The following FMN1 variants were observed in gnomAD, a reference collection of about 807,000 sequenced individuals.
FMN1 encodes the protein formin-1.
A neutral mutation model predicts 132.4 loss-of-function variants in FMN1; 110 were observed. The ratio of observed to expected loss-of-function variants is 0.83; its 90% CI spans 0.71 to 0.97. The LOEUF (loss-of-function observed/expected upper bound fraction) is 0.97, where lower values mean the gene tolerates loss of function less well. Ranked by LOEUF, FMN1 falls within the 50% of genes least tolerant of loss-of-function variation. The pLI is 0.00. For missense variants in FMN1, 1,792 were observed against 1,705.3 expected, an observed-to-expected ratio of 1.05 and a Z score of -0.90; for synonymous variants, 722 against 651.7, an observed-to-expected ratio of 1.11 and a Z score of -1.64.
intron 2 of FMN1, among the ~76,000 whole-genome samples, chr15:33,181,213 G>C (rs552266254): frequency 6.6e-6 from 1 of 152,250 alleles, no homozygotes; most frequent in East Asian, 1.9e-4. Flanking sequence ...AGGGTTCCTT[G>C]CATGATGTTC....
At chr15:32,955,110 C>T (rs570267630) in intron 9 of FMN1, among the ~76,000 whole-genome samples, 1 of 152,286 alleles carries the variant, frequency 6.6e-6, no homozygotes, top group African/African-American at 2.4e-5. Flanking sequence ...AAAACAGGAA[C>T]AATAATAGGA....
chr15:32,787,630 T>C (rs2056924261), intron 19 of FMN1, among the ~76,000 whole-genome samples: 1 of 152,148 alleles, frequency 6.6e-6, no homozygotes. Context: ...GCAGGACTGC[T>C]TGAGGCTAGG....
At chr15:32,997,585 C>G (rs1024074239) in intron 7 of FMN1, among the ~76,000 whole-genome samples, 2 of 152,276 alleles carry the variant, frequency 1.3e-5, no homozygotes, top group Non-Finnish European at 2.9e-5. Context: ...AAGCACTGAG[C>G]ATGGTACCTG....
At chr15:32,914,825 T>C (rs961056603) in intron 10 of FMN1, among the ~76,000 whole-genome samples, 1 of 151,778 alleles carries the variant, frequency 6.6e-6, no homozygotes. Flanking sequence ...CTTTGTACCA[T>C]CCCCCCAGAA....
At chr15:32,784,904 T>C (rs1242611263) in intron 19 of FMN1, among the ~76,000 whole-genome samples, 2 of 152,168 alleles carry the variant, frequency 1.3e-5, no homozygotes, top group East Asian at 3.9e-4. Flanking sequence ...CAATGTCTAT[T>C]TGCCTCCTTT....
At chr15:33,100,345 A>G (rs544435229) in intron 4 of FMN1, among the ~76,000 whole-genome samples, 1 of 152,198 alleles carries the variant, frequency 6.6e-6, no homozygotes, top group Non-Finnish European at 1.5e-5. Context: ...CAGGGAAGCT[A>G]TTGTGAAACA....
At chr15:33,009,453 C>G (rs2034590608) in intron 6 of FMN1, among the ~76,000 whole-genome samples, 1 of 152,146 alleles carries the variant, frequency 6.6e-6, no homozygotes, top group Admixed American at 6.5e-5. Context: ...TCCTACATAT[C>G]TCTCCCTATC....
intron 4 of FMN1, among the ~76,000 whole-genome samples, chr15:33,093,917 A>G (rs2169937): frequency 5.4e-4 from 82 of 152,362 alleles, no homozygotes; most frequent in African/African-American, 1.3e-3. Flanking sequence ...AGAATCTTGT[A>G]TATCTCCCCA....
At chr15:33,051,613 G>A (rs2036976490) in intron 6 of FMN1, among the ~76,000 whole-genome samples, 2 of 152,182 alleles carry the variant, frequency 1.3e-5, no homozygotes, top group South Asian at 4.1e-4. Context: ...GGGTGAGTGG[G>A]CTCAAGCATG....
intron 19 of FMN1, among the ~76,000 whole-genome samples, chr15:32,787,275 TA>T (rs2140923294): frequency 6.6e-6 from 1 of 152,222 alleles, no homozygotes; most frequent in South Asian, 2.1e-4. Context: ...AAAATAAAAC[TA>T]AGAGAAAAGA....
At chr15:32,839,023 T>C (rs1289783214) in intron 17 of FMN1, among the ~76,000 whole-genome samples, 1 of 152,016 alleles carries the variant, frequency 6.6e-6, no homozygotes, top group Non-Finnish European at 1.5e-5. Context: ...CCAGAGATGG[T>C]GACTGGACAA....
At chr15:32,969,501 G>T (rs778508470) in intron 7 of FMN1, 24 bp from the exon 8 acceptor site, 11 of 1,606,262 alleles carry the variant, frequency 6.8e-6, no homozygotes, top group Non-Finnish European at 8.5e-6. Context: ...CAGAGGGAAA[G>T]AAAGTAATGA....
chr15:33,115,570 TCTC>T (rs1325711438), intron 4 of FMN1, among the ~76,000 whole-genome samples: 15 of 113,802 alleles, frequency 1.3e-4, no homozygotes, highest in East Asian at 4.8e-4. Flanking sequence ...CTCCCCCACC[TCTC>T]CTATCTTTTA....
chr15:32,982,388 A>T (rs563324245), intron 7 of FMN1, among the ~76,000 whole-genome samples: 1 of 152,244 alleles, frequency 6.6e-6, no homozygotes, highest in African/African-American at 2.4e-5. Flanking sequence ...CACACTTTCC[A>T]TATCAACTAT....
intron 17 of FMN1, among the ~76,000 whole-genome samples, chr15:32,838,323 C>A (rs948377388): frequency 2.0e-5 from 3 of 152,086 alleles, no homozygotes; most frequent in African/African-American, 7.2e-5. Context: ...GGAAAAAGAG[C>A]AAAGGAAACA....
chr15:32,904,335 G>A (rs1048348577), intron 12 of FMN1, among the ~76,000 whole-genome samples: 1 of 152,156 alleles, frequency 6.6e-6, no homozygotes, highest in African/African-American at 2.4e-5. Flanking sequence ...GTGAGTAGAA[G>A]GCAGATGCTA....
At chr15:32,877,194 G>A (rs1372414027) in intron 16 of FMN1, among the ~76,000 whole-genome samples, 1 of 152,000 alleles carries the variant, frequency 6.6e-6, no homozygotes, top group Non-Finnish European at 1.5e-5. Flanking sequence ...GGCTGAGGCA[G>A]GAGAATCGTT....
chr15:32,776,826 A>C lies in FMN1; in HGVS notation c.4215+9T>G. 2 of 1,533,782 alleles carry C rather than the reference A, an allele frequency of 1.3e-6. No homozygotes were observed. The highest frequency in any genetic ancestry group is 1.8e-6 in the Non-Finnish European group (2 of 1,118,786). ...CAATCGTTAGATTATGTTGAAAAAT[A>C]TATCTCACCAGGCTAGCAGTGGGAT... On this transcript the variant is annotated intron_variant, in intron 20 of 20. Coordinates refer to ENST00000616417, the MANE Select transcript of FMN1 (RefSeq NM_001277313.2).
intron 15 of FMN1, among the ~76,000 whole-genome samples, chr15:32,892,117 C>A (rs963541749): frequency 3.3e-5 from 5 of 152,144 alleles, no homozygotes; most frequent in African/African-American, 1.2e-4. Flanking sequence ...CGAGAGTGGG[C>A]ATCCTTGTCT....
Sources: gnomAD v4.1 joint callset for allele counts (sites outside exome capture counted in the v4.1 genomes callset) on GRCh38, gnomAD v4.1.1 for gene constraint, MANE v1.5 for transcripts, NCBI Gene and HGNC (gene_info 2026-07-23, HGNC 2026-07-21) for gene names.